Variants in FSHR observed in about 807,000 individuals in gnomAD.
FSHR encodes follicle-stimulating hormone receptor.
A neutral mutation model predicts 52.1 loss-of-function variants in FSHR; 46 were observed. That is an observed-to-expected ratio of 0.88 (90% CI 0.70 to 1.13). The LOEUF (loss-of-function observed/expected upper bound fraction) is 1.13, where lower values mean the gene tolerates loss of function less well. FSHR is among the 50% of genes most tolerant of loss of function. The pLI, the probability that FSHR is intolerant of heterozygous loss-of-function variation, is 0.00. For missense variants in FSHR, 964 were observed against 834.6 expected (o/e 1.16, Z -1.91); for synonymous variants, 399 against 309.6 (o/e 1.29, Z -3.03).
chr2:49,001,493 C>T (rs1573074931), intron 4 of FSHR, among the ~76,000 whole-genome samples: 2 of 152,200 alleles, frequency 1.3e-5, no homozygotes, highest in African/African-American at 2.4e-5. Flanking sequence ...CTTTTGAGAC[C>T]TTCTTGGATG....
chr2:49,015,760 C>A (rs1280316454), intron 4 of FSHR, among the ~76,000 whole-genome samples: 1 of 152,188 alleles, frequency 6.6e-6, no homozygotes, highest in Non-Finnish European at 1.5e-5. Context: ...ACCCTAACCT[C>A]TAAGCAGGAC....
chr2:48,995,716 G>A (rs576651012), intron 4 of FSHR, among the ~76,000 whole-genome samples: 14 of 152,106 alleles, frequency 9.2e-5, no homozygotes, highest in Non-Finnish European at 1.9e-4. Context: ...GGAATTCACA[G>A]AAGTAATCAG....
intron 2 of FSHR, among the ~76,000 whole-genome samples, chr2:49,023,836 G>A (rs1276251030): frequency 6.6e-6 from 1 of 152,130 alleles, no homozygotes; most frequent in East Asian, 1.9e-4. Context: ...AGGGACATGT[G>A]CTTCCATGAG....
intron 8 of FSHR, among the ~76,000 whole-genome samples, chr2:48,970,940 C>T (rs752808096): frequency 1.1e-4 from 16 of 152,200 alleles, no homozygotes; most frequent in Non-Finnish European, 1.9e-4. Context: ...TCCCTCCTCT[C>T]CTGTGACTTT....
At chr2:49,113,401 A>AG (rs1485087912) in intron 1 of FSHR, among the ~76,000 whole-genome samples, 1 of 152,220 alleles carries the variant, frequency 6.6e-6, no homozygotes, top group East Asian at 1.9e-4. Flanking sequence ...TCCTTGGTGC[A>AG]GGAATTTAAA....
chr2:49,004,880 T>C lies in FSHR; in HGVS notation c.374+12609A>G, dbSNP rs1305684680. Among the ~76,000 whole-genome samples, 6 of 152,102 alleles carry C rather than the reference T, an allele frequency of 3.9e-5. No individual in the cohort carries two copies. The East Asian group carries it at 1.2e-3, about 29-fold the overall frequency. Reference sequence around the variant, plus strand: ...GATACAACTACCTTGTAAGAAGGCATATCCTATGAAAATAAAATTGCACCG... The same window carrying C: ...GATACAACTACCTTGTAAGAAGGCACATCCTATGAAAATAAAATTGCACCG... On this transcript the variant is annotated intron_variant, in intron 4 of 9. Transcript: ENST00000406846.
intron 1 of FSHR, among the ~76,000 whole-genome samples, chr2:49,143,012 G>A (rs557202175): frequency 6.6e-6 from 1 of 152,270 alleles, no homozygotes; most frequent in African/African-American, 2.4e-5. Flanking sequence ...GGTTTCAGTT[G>A]AATATTATAT....
chr2:49,153,454 G>A (rs1486767805), intron 1 of FSHR, among the ~76,000 whole-genome samples: 2 of 151,910 alleles, frequency 1.3e-5, no homozygotes. Context: ...CAAAACAGTA[G>A]ACTGTGAGTC....
rs114692029 is a variant in FSHR at position 48,973,329 on chromosome 2, G to A, written c.669-4446C>T. ...ACACCCAATAAACACAGATGTGTGA[G>A]GCACATAAGTGATGGGGACTACTTG... On this transcript the variant is annotated intron_variant, in intron 8 of 9. Transcript: ENST00000406846. 9.8e-3 allele frequency among the ~76,000 whole-genome samples: 1,452 copies of A among 148,082 alleles called. 10 individuals carry two copies. The highest frequency in any genetic ancestry group is 0.015 in the Non-Finnish European group (999 of 67,970).
chr2:49,020,208 T>C (rs1469320587), intron 2 of FSHR, 48 bp from the exon 3 acceptor site: 1 of 1,459,704 alleles, frequency 6.9e-7, no homozygotes, highest in African/African-American at 1.4e-5. Flanking sequence ...TTACACTCCT[T>C]GAATATTTTT....
intron 2 of FSHR, among the ~76,000 whole-genome samples, chr2:49,022,207 A>G (rs1227344043): frequency 2.6e-5 from 4 of 152,090 alleles, no homozygotes; most frequent in Admixed American, 2.6e-4. Flanking sequence ...TCGTAGAGAC[A>G]TATGTCCTTG....
intron 1 of FSHR, among the ~76,000 whole-genome samples, chr2:49,081,100 C>G (rs559635612): frequency 6.6e-6 from 1 of 152,112 alleles, no homozygotes; most frequent in Non-Finnish European, 1.5e-5. Flanking sequence ...TGTGTTCCTC[C>G]TCCTGCCCCA....
chr2:49,062,967 C>G (rs765079991), intron 2 of FSHR, among the ~76,000 whole-genome samples: 3 of 152,218 alleles, frequency 2.0e-5, no homozygotes, highest in Non-Finnish European at 2.9e-5. Context: ...GGGAACTCCT[C>G]TACACTGTTG....
At chr2:49,150,181 A>G (rs1046461959) in intron 1 of FSHR, among the ~76,000 whole-genome samples, 5 of 152,060 alleles carry the variant, frequency 3.3e-5, no homozygotes, top group Non-Finnish European at 7.4e-5. Context: ...TCCTTTGACT[A>G]TAGTCAGAAT....
chr2:49,085,113 T>G (rs1156670427), intron 1 of FSHR, among the ~76,000 whole-genome samples: 1 of 151,262 alleles, frequency 6.6e-6, no homozygotes, highest in Admixed American at 6.6e-5. Flanking sequence ...ACTGGCAAAC[T>G]GAATCCAGCA....
rs201840639 is a variant in FSHR, at chr2:48,963,081, A to C, written c.1740T>G (p.Thr580=). The C allele has an allele frequency of 1.9e-6, 3 of 1,614,092 alleles. No individual in the cohort carries two copies. In the East Asian group the frequency reaches 6.7e-5, roughly 36 times the overall value. ...IAKRMAMLIF[T]DFLCMAPISF... is the part of the protein sequence containing the mutation. ...AAATGGGTGCCATGCAGAGGAAGTC[A>C]GTGAAGATGAGCATGGCCATGCGCT... The change falls in exon 10 of 10, where the codon ACT becomes ACG. Residue 580 remains threonine, a synonymous_variant. Transcript: ENST00000406846.
chr2:48,973,070 T>C (rs1018763168), intron 8 of FSHR, among the ~76,000 whole-genome samples: 2 of 152,222 alleles, frequency 1.3e-5, no homozygotes, highest in Non-Finnish European at 2.9e-5. Context: ...GATAGAAATG[T>C]TGCTATTCAT....
At chr2:49,152,469 G>GGGGTGGAT (rs1199673164) in intron 1 of FSHR, among the ~76,000 whole-genome samples, 1 of 151,774 alleles carries the variant, frequency 6.6e-6, no homozygotes, top group East Asian at 1.9e-4. Context: ...TTAGGGTGTG[G>GGGGTGGAT]GGGTGGATTT....
chr2:49,132,008 C>A (rs149899472), intron 1 of FSHR, among the ~76,000 whole-genome samples: 1 of 152,222 alleles, frequency 6.6e-6, no homozygotes, highest in Non-Finnish European at 1.5e-5. Flanking sequence ...ACTTGAAAAG[C>A]CTTATTCTAT....
Sources: allele counts gnomAD v4.1 joint callset (sites outside exome capture counted in the v4.1 genomes callset), GRCh38; gene constraint gnomAD v4.1.1; transcripts MANE v1.5; gene names NCBI Gene and HGNC (gene_info 2026-07-23, HGNC 2026-07-21).